COL27A1: variants seen among roughly 807,000 people sequenced by gnomAD.
COL27A1 encodes collagen type XXVII alpha 1 chain.
COL27A1 carries 106 observed loss-of-function variants against 251.3 expected under a neutral mutation model. The ratio of observed to expected loss-of-function variants is 0.42; its 90% CI spans 0.36 to 0.50. The LOEUF (loss-of-function observed/expected upper bound fraction) is 0.50. Among genes scored for constraint, COL27A1 ranks in the 20% least tolerant of loss-of-function variants. COL27A1 has a pLI of 0.00. For synonymous variants in COL27A1, 1,000 were observed against 986.3 expected (o/e 1.01, Z -0.26); for missense variants, 2,325 against 2,522.8 (o/e 0.92, Z 1.68).
In COL27A1 at chr9:114,302,123, T is replaced by C. The variant is rs753199117; in HGVS notation, c.4872+15T>C. On this transcript the variant is annotated intron_variant, in intron 56 of 60. Coordinates refer to ENST00000356083, the MANE Select transcript of COL27A1 (RefSeq NM_032888.4). ...CTATCCAATTGGTAAGTTGGAAACCTTCTCTTTTGCCTACTTGGGGTAAGG... is the reference window on the plus strand; with the variant it reads ...CTATCCAATTGGTAAGTTGGAAACCCTCTCTTTTGCCTACTTGGGGTAAGG... 6.2e-7 allele frequency: 1 copy of C among 1,610,206 alleles called. No individual in the cohort carries two copies. The highest frequency in any genetic ancestry group is 1.1e-5 in the South Asian group (1 of 90,992).
intron 58 of COL27A1, chr9:114,306,960 C>T: frequency 2.5e-6 from 1 of 406,318 alleles, no homozygotes; most frequent in Non-Finnish European, 4.5e-6. Flanking sequence ...CATCCTGTCA[C>T]AGGCTCCCGG....
intron 37 of COL27A1, among the ~76,000 whole-genome samples, chr9:114,276,673 T>C (rs1374886594): frequency 6.6e-6 from 1 of 152,184 alleles, no homozygotes; most frequent in Non-Finnish European, 1.5e-5. Context: ...CAAAGTCTGT[T>C]TGTTGATTGA....
At chr9:114,241,178 C>A (rs1832728023) in intron 21 of COL27A1, among the ~76,000 whole-genome samples, 1 of 152,242 alleles carries the variant, frequency 6.6e-6, no homozygotes, top group African/African-American at 2.4e-5. Context: ...TGGGTGGGCC[C>A]CTGATTTTGC....
At chr9:114,303,710 CCCA>C (rs1828829897) in intron 56 of COL27A1, among the ~76,000 whole-genome samples, 2 of 152,184 alleles carry the variant, frequency 1.3e-5, no homozygotes, top group African/African-American at 4.8e-5. Context: ...GAGGAGTAGC[CCCA>C]GAGTCCCCCG....
At chr9:114,205,050 C>T (rs915553807) in intron 7 of COL27A1, 52 bp from the exon 8 acceptor site, 16 of 1,580,354 alleles carry the variant, frequency 1.0e-5, no homozygotes, top group Middle Eastern at 1.7e-4. Flanking sequence ...TTGCGATCTC[C>T]AGGACCAGAT....
chr9:114,164,508 C>T (rs913084981), intron 2 of COL27A1, among the ~76,000 whole-genome samples: 12 of 152,310 alleles, frequency 7.9e-5, no homozygotes, highest in African/African-American at 2.6e-4. Flanking sequence ...GGAAACCTCA[C>T]CCATGCTGCC....
At position 114,282,498 on chromosome 9, in the gene COL27A1, C is replaced by A; in HGVS notation, c.3813C>A (p.Val1271=). The A allele has an allele frequency of 4.4e-6, 7 of 1,584,134 alleles. No homozygotes were observed. Among genetic ancestry groups the A allele is most frequent in the Non-Finnish European group, 6.0e-6 (7 of 1,165,850 alleles). ...AAGGACAGCTGGGTGAGATGGGCGTCCCTGGAGACCCTGGACCCCCTGGCA... is the reference window on the plus strand; with the variant it reads ...AAGGACAGCTGGGTGAGATGGGCGTACCTGGAGACCCTGGACCCCCTGGCA... ...GYQGQLGEMG[V]PGDPGPPGTP... is the part of the protein sequence containing the mutation. The change falls in exon 39 of 61, where the codon GTC becomes GTA. Residue 1271 remains valine, a synonymous_variant. Transcript: ENST00000356083.
intron 41 of COL27A1, among the ~76,000 whole-genome samples, chr9:114,286,332 C>T (rs1043189412): frequency 6.6e-6 from 1 of 152,128 alleles, no homozygotes; most frequent in Non-Finnish European, 1.5e-5. Flanking sequence ...CATTGTTCTA[C>T]AAGACAGGCG....
rs1848097390 is a variant in COL27A1, at chr9:114,156,013, G to T, written c.62+1G>T. ...CGGCGGCGGCGGCGGCGCGCGGGGGGTGAGTACGAACTCGGGGACGCCCCC... is the reference window on the plus strand; with the variant it reads ...CGGCGGCGGCGGCGGCGCGCGGGGGTTGAGTACGAACTCGGGGACGCCCCC... On this transcript the variant is annotated splice_donor_variant, in intron 1 of 60. Coordinates refer to ENST00000356083, the MANE Select transcript of COL27A1 (RefSeq NM_032888.4). LOFTEE classifies it high-confidence loss of function. 1.5e-6 allele frequency: 2 copies of T among 1,298,516 alleles called. No individual in the cohort carries two copies. Among genetic ancestry groups the T allele is most frequent in the Non-Finnish European group, 2.0e-6 (2 of 1,020,026 alleles). The allele number at this position is 1,298,516 out of a possible 1,614,324, so 80.4% of individuals were successfully genotyped here. A position where few individuals can be genotyped will look rare whatever the true frequency, so the allele number is the denominator to read the frequency against.
intron 34 of COL27A1, 39 bp from the exon 35 acceptor site, chr9:114,269,202 C>A: frequency 6.6e-7 from 1 of 1,522,514 alleles, no homozygotes; most frequent in Non-Finnish European, 9.0e-7. Context: ...TGGGGCTGGC[C>A]CTACCCACCC....
chr9:114,280,170 C>G (rs923223660), intron 37 of COL27A1, among the ~76,000 whole-genome samples: 1 of 151,924 alleles, frequency 6.6e-6, no homozygotes, highest in Non-Finnish European at 1.5e-5. Context: ...TTACTCCAAA[C>G]AAGTTTTGTA....
intron 31 of COL27A1, 54 bp from the exon 32 acceptor site, chr9:114,265,368 C>G (rs1834666848): frequency 6.4e-7 from 1 of 1,565,808 alleles, no homozygotes; most frequent in African/African-American, 1.4e-5. Context: ...GAAATCAAGA[C>G]AGGGCAGAGA....
chr9:114,211,705 C>G (rs1234898898), intron 12 of COL27A1, among the ~76,000 whole-genome samples: 1 of 152,236 alleles, frequency 6.6e-6, no homozygotes, highest in Non-Finnish European at 1.5e-5. Flanking sequence ...TTCCCGGTGT[C>G]TTTGATCTCA....
intron 40 of COL27A1, among the ~76,000 whole-genome samples, chr9:114,284,456 G>A (rs1194940320): frequency 6.6e-6 from 1 of 152,196 alleles, no homozygotes; most frequent in Non-Finnish European, 1.5e-5. Flanking sequence ...GAACAAAGCT[G>A]GTTCTCCCGA....
chr9:114,224,648 CTTTTTTTTTT>C (rs5900075), intron 14 of COL27A1, among the ~76,000 whole-genome samples: 3 of 97,350 alleles, frequency 3.1e-5, no homozygotes, highest in South Asian at 7.3e-4. Context: ...CCTCCTGGTT[CTTTTTTTTTT>C]TTTTTTTTTT....
chr9:114,248,470 T>TCGG (rs2135512869), intron 24 of COL27A1, among the ~76,000 whole-genome samples: 2 of 152,278 alleles, frequency 1.3e-5, no homozygotes, highest in East Asian at 3.9e-4. Flanking sequence ...TCCCCAAAAC[T>TCGG]GGGAACTCGG....
intron 13 of COL27A1, among the ~76,000 whole-genome samples, chr9:114,220,799 C>T (rs1831046911): frequency 6.6e-6 from 1 of 151,946 alleles, no homozygotes; most frequent in African/African-American, 2.4e-5. Context: ...TTCAAGACCA[C>T]CCTGGCCAAC....
intron 10 of COL27A1, among the ~76,000 whole-genome samples, chr9:114,208,166 G>C (rs1588662745): frequency 6.6e-6 from 1 of 151,706 alleles, no homozygotes; most frequent in African/African-American, 2.4e-5. Flanking sequence ...GGCTGGGCGC[G>C]GTGGCTCGTG....
In COL27A1 at chr9:114,213,459, C is replaced by T. The variant is rs528652738; in HGVS notation, c.2367+2433C>T. Among the ~76,000 whole-genome samples the T allele has an allele frequency of 5.3e-5, 8 of 152,260 alleles. 1 individual carries two copies. The South Asian group carries it at 1.7e-3, about 32-fold the overall frequency. ...TTATCCTGCCTGTGTGAGATAAGGC[C>T]ACTCATTCATTCCTCATTCAACCAA... On this transcript the variant is annotated intron_variant, in intron 12 of 60. Transcript: ENST00000356083.
Sources: allele counts gnomAD v4.1 joint callset (sites outside exome capture counted in the v4.1 genomes callset), GRCh38; gene constraint gnomAD v4.1.1; transcripts MANE v1.5; gene names NCBI Gene and HGNC (gene_info 2026-07-23, HGNC 2026-07-21).